UTS2: variants seen among roughly 807,000 people sequenced by gnomAD.
The protein encoded by UTS2 is urotensin 2, also known as urotensin-2.
A neutral mutation model predicts 12.6 loss-of-function variants in UTS2; 10 were observed. That is an observed-to-expected ratio of 0.80 (90% CI 0.49 to 1.35). The LOEUF (loss-of-function observed/expected upper bound fraction) is 1.35, where lower values mean the gene tolerates loss of function less well. Among genes scored for constraint, UTS2 ranks in the 40% most tolerant of loss-of-function variants. The probability of loss-of-function intolerance (pLI) is 0.00; values close to 1 mark genes in which losing one functional copy is unlikely to be tolerated. For missense variants in UTS2, 142 were observed against 143.2 expected, an observed-to-expected ratio of 0.99 and a Z score of 0.04; for synonymous variants, 52 against 50.0, an observed-to-expected ratio of 1.04 and a Z score of -0.17.
At chr1:7,909,023 C>T in the UTS2 span, among the ~76,000 whole-genome samples, 368 of 151,956 alleles carry the variant, frequency 2.4e-3, 1 homozygote, top group African/African-American at 8.6e-3. Flanking sequence ...GCCAGGCTGA[C>T]CTTGTGATCT....
chr1:7,875,829 A>T, the UTS2 span, among the ~76,000 whole-genome samples: 2 of 152,028 alleles, frequency 1.3e-5, no homozygotes, highest in Admixed American at 1.3e-4. Context: ...CTGGGGATGA[A>T]CCCACTTTGC....
At chr1:7,851,068 A>G (rs1244486963) in intron 1 of UTS2, 146 bp from the exon 2 acceptor site, 1 of 728,428 alleles carries the variant, frequency 1.4e-6, no homozygotes, top group Non-Finnish European at 2.3e-6. Flanking sequence ...CATCAGTGGT[A>G]TTCTAGAAGA....
At chr1:7,884,322 G>C in the UTS2 span, among the ~76,000 whole-genome samples, 1 of 125,852 alleles carries the variant, frequency 7.9e-6, no homozygotes, top group African/African-American at 3.4e-5. Flanking sequence ...TTTTTTTTGA[G>C]ACAAGGTCTC....
At chr1:7,855,865 GT>G (rs35981603), upstream of UTS2, among the ~76,000 whole-genome samples, 66 of 145,052 alleles carry the variant, frequency 4.6e-4, no homozygotes, top group African/African-American at 9.3e-4. Context: ...CGCTCAGCTA[GT>G]TTTTTTTTTT....
chr1:7,866,748 C>T, the UTS2 span, among the ~76,000 whole-genome samples: 5 of 152,302 alleles, frequency 3.3e-5, no homozygotes, highest in East Asian at 7.7e-4. The surrounding 1 kb of genome is among the most constrained non-coding windows in gnomAD (Gnocchi z 4.5). Context: ...GCTGGTGCCA[C>T]ACTAGGGCTG....
At chr1:7,877,126 CAAAA>C in the UTS2 span, among the ~76,000 whole-genome samples, 2 of 62,816 alleles carry the variant, frequency 3.2e-5, no homozygotes, top group East Asian at 5.2e-4. Flanking sequence ...GAGACTCTAT[CAAAA>C]AAAAAAAAAA....
intron 1 of UTS2, among the ~76,000 whole-genome samples, chr1:7,851,326 A>T (rs1239277506): frequency 1.4e-5 from 2 of 144,652 alleles, no homozygotes; most frequent in Non-Finnish European, 3.1e-5. Context: ...GGAAAAAGAA[A>T]GATCGTTTAC....
At chr1:7,879,292 C>T in the UTS2 span, among the ~76,000 whole-genome samples, 52 of 152,166 alleles carry the variant, frequency 3.4e-4, 1 homozygote, top group South Asian at 2.1e-4. Flanking sequence ...TTTTAAAAGT[C>T]AAAATCATAT....
At chr1:7,877,418 C>G in the UTS2 span, among the ~76,000 whole-genome samples, 2 of 151,996 alleles carry the variant, frequency 1.3e-5, no homozygotes, top group African/African-American at 4.8e-5. Context: ...AAAAAAGAAC[C>G]AAACATAAAT....
At chr1:7,850,117 C>G (rs569227429) in intron 2 of UTS2, among the ~76,000 whole-genome samples, 2 of 151,792 alleles carry the variant, frequency 1.3e-5, no homozygotes, top group Admixed American at 6.6e-5. Context: ...TTACAGGTGC[C>G]CGCCACCATG....
the UTS2 span, among the ~76,000 whole-genome samples, chr1:7,859,053 G>A: frequency 2.6e-5 from 4 of 152,234 alleles, no homozygotes; most frequent in Middle Eastern, 0.01. Context: ...TGTGTGCTTT[G>A]AATACTGCAA....
upstream of UTS2, among the ~76,000 whole-genome samples, chr1:7,856,069 G>C (rs1638299047): frequency 6.6e-6 from 1 of 151,892 alleles, no homozygotes; most frequent in Non-Finnish European, 1.5e-5. Context: ...GGGCTCCAGA[G>C]ATTCTCCTGC....
chr1:7,890,870 A>C, the UTS2 span, among the ~76,000 whole-genome samples: 2 of 143,476 alleles, frequency 1.4e-5, no homozygotes. Flanking sequence ...AAACCTAACC[A>C]CTCTGTTCCT....
At chr1:7,879,102 T>A in the UTS2 span, among the ~76,000 whole-genome samples, 1 of 152,174 alleles carries the variant, frequency 6.6e-6, no homozygotes, top group African/African-American at 2.4e-5. Context: ...AGACAGATCA[T>A]CTAGACAGAA....
At chr1:7,873,863 C>T in the UTS2 span, among the ~76,000 whole-genome samples, 1 of 152,080 alleles carries the variant, frequency 6.6e-6, no homozygotes, top group Admixed American at 6.6e-5. Context: ...GCATCATATG[C>T]TACAGAGGAA....
the UTS2 span, among the ~76,000 whole-genome samples, chr1:7,912,510 G>T: frequency 9.9e-5 from 15 of 152,164 alleles, no homozygotes; most frequent in African/African-American, 3.4e-4. Flanking sequence ...CTGGAGTGCA[G>T]TGTCATGATC....
chr1:7,908,128 A>G, the UTS2 span, among the ~76,000 whole-genome samples: 1 of 151,730 alleles, frequency 6.6e-6, no homozygotes, highest in African/African-American at 2.4e-5. Context: ...ACGAATCCCC[A>G]TCTCTACTAA....
chr1:7,884,952 T>C, the UTS2 span, among the ~76,000 whole-genome samples: 10 of 148,960 alleles, frequency 6.7e-5, no homozygotes. Context: ...CATCCATCCA[T>C]CCATCCATAT....
the UTS2 span, among the ~76,000 whole-genome samples, chr1:7,862,182 C>G: frequency 6.6e-6 from 1 of 151,842 alleles, no homozygotes; most frequent in Non-Finnish European, 1.5e-5. Flanking sequence ...ACTTCGGCCT[C>G]CCAAAGTGCT....
Sources: allele counts gnomAD v4.1 joint callset (sites outside exome capture counted in the v4.1 genomes callset), GRCh38; gene constraint gnomAD v4.1.1; non-coding constraint Gnocchi (gnomAD v3.1); transcripts MANE v1.5; gene names NCBI Gene and HGNC (gene_info 2026-07-23, HGNC 2026-07-21).